SVIL: variants seen among roughly 807,000 people sequenced by gnomAD.
SVIL encodes archvillin.
In SVIL, 101 loss-of-function variants were observed where a neutral mutation model predicts 240.4. That is an observed-to-expected ratio of 0.42 (90% confidence interval 0.36 to 0.50). The LOEUF is 0.50. Ranked by LOEUF, SVIL falls within the 20% of genes least tolerant of loss-of-function variation. The pLI is 0.01. For synonymous variants in SVIL, 999 were observed against 1,100.0 expected, an observed-to-expected ratio of 0.91 and a Z score of 1.82; for missense variants, 2,512 against 2,818.7, an observed-to-expected ratio of 0.89 and a Z score of 2.46.
intron 1 of SVIL, among the ~76,000 whole-genome samples, chr10:29,701,424 T>C (rs910188351): frequency 2.0e-5 from 3 of 152,190 alleles, no homozygotes; most frequent in Non-Finnish European, 2.9e-5. Flanking sequence ...AAATTCCATG[T>C]TTTGCTTAAG....
At chr10:29,559,654 C>T (rs552688232) in intron 3 of SVIL, among the ~76,000 whole-genome samples, 1 of 152,178 alleles carries the variant, frequency 6.6e-6, no homozygotes, top group African/African-American at 2.4e-5. Flanking sequence ...ATTAGGACTT[C>T]CAAACATATC....
rs1274164400 is a variant in SVIL, at chr10:29,458,480, A to G, written c.6512T>C (p.Val2171Ala). The G allele has an allele frequency of 3.8e-6, 6 of 1,575,140 alleles. No homozygotes were observed. The Admixed American group carries it at 7.2e-5, about 19-fold the overall frequency. Residue 2171 changes from valine (V) to alanine (A), a missense_variant, in exon 37 of 38, where the codon GTC becomes GCC. Coordinates refer to ENST00000355867, the MANE Select transcript of SVIL (RefSeq NM_021738.3). ...DLLARPLPEG[V>A]DPLKLEIYLT... ...ATAGATCTCAAGCTTCAGAGGATCG[A>G]CCCCCTCCGGGAGTGGCCTGGCCAG...
intron 1 of SVIL, among the ~76,000 whole-genome samples, chr10:29,622,280 C>T (rs1589406984): frequency 8.0e-6 from 1 of 125,432 alleles, no homozygotes; most frequent in African/African-American, 2.8e-5. Flanking sequence ...AAAAAAGAAC[C>T]TTGGAAACAC....
chr10:29,532,074 C>A lies in SVIL; in HGVS notation c.1937G>T (p.Gly646Val). The A allele has an allele frequency of 6.2e-7, 1 of 1,614,126 alleles. No homozygotes were observed. The highest frequency in any genetic ancestry group is 8.5e-7 in the Non-Finnish European group (1 of 1,179,970). The change falls in exon 9 of 38, where the codon GGT becomes GTT. Residue 646 changes from glycine (G) to valine (V), a missense_variant. By Grantham distance (109) the Gly-to-Val change is moderately radical. Coordinates refer to ENST00000355867, the MANE Select transcript of SVIL (RefSeq NM_021738.3). ...TCTCTCGGAAGTTTTTCTACTTTCA[C>A]CAGGAGAAAAATAGCGTCTTGGTTT... is the stretch of plus-strand genomic sequence containing the variant. ...SRKPRRYFSP[G>V]ESRKTSERFR...
In SVIL at chr10:29,608,210, G is replaced by A. The variant is rs181052882; in HGVS notation, c.-201+26210C>T. On this transcript the variant is annotated intron_variant, in intron 1 of 37. Transcript: ENST00000355867. ...GCTGGGCAGGATTAGCTTCTCTGCTGCAAGAGGGACGTCAAGGCAGTGGAA... is the reference window on the plus strand; with the variant it reads ...GCTGGGCAGGATTAGCTTCTCTGCTACAAGAGGGACGTCAAGGCAGTGGAA... Among the ~76,000 whole-genome samples the A allele has an allele frequency of 4.8e-4, 73 of 152,318 alleles. No homozygotes were observed. In the South Asian group the frequency reaches 9.1e-3, roughly 19 times the overall value.
At chr10:29,563,419 A>G (rs1185784361) in intron 2 of SVIL, 127 bp from the exon 3 acceptor site, 3 of 222,840 alleles carry the variant, frequency 1.3e-5, no homozygotes, top group South Asian at 3.2e-4. Context: ...TTGCAGGTAA[A>G]ATGTTTTATA....
In SVIL at chr10:29,536,000, G is replaced by A. The variant is rs1449352023; in HGVS notation, c.897C>T (p.Asn299=). ...CGGCGTGCGGGTACCTGGAAGGCCAGTTGATAAGTGAAGGTGTGTCCCCTT... is the reference window on the plus strand; with the variant it reads ...CGGCGTGCGGGTACCTGGAAGGCCAATTGATAAGTGAAGGTGTGTCCCCTT... ...DSEGDTPSLI[N]WPSRVKVREK... is the part of the protein sequence containing the mutation. Residue 299 remains asparagine (N), a synonymous_variant, in exon 7 of 38, where the codon AAC becomes AAT. Transcript: ENST00000355867. The A allele has an allele frequency of 2.5e-6, 4 of 1,614,100 alleles. No individual in the cohort carries two copies. The highest frequency in any genetic ancestry group is 3.4e-6 in the Non-Finnish European group (4 of 1,180,044).
At chr10:29,561,440 T>C (rs1163436156) in intron 3 of SVIL, among the ~76,000 whole-genome samples, 1 of 152,010 alleles carries the variant, frequency 6.6e-6, no homozygotes, top group African/African-American at 2.4e-5. Context: ...GAGGGATGCT[T>C]CTGACTGGTG....
At chr10:29,659,166 C>A (rs1238749563) in intron 2 of SVIL, among the ~76,000 whole-genome samples, 4 of 152,150 alleles carry the variant, frequency 2.6e-5, no homozygotes, top group African/African-American at 4.8e-5. Flanking sequence ...ATTCTTTAGA[C>A]TCGAGGGTTG....
At chr10:29,703,688 A>G (rs75573881) in intron 1 of SVIL, among the ~76,000 whole-genome samples, 118 of 152,314 alleles carry the variant, frequency 7.7e-4, no homozygotes, top group African/African-American at 2.7e-3. Context: ...GTGCCCTGCA[A>G]TGTGGGGTGT....
At chr10:29,491,859 C>T (rs1259048021) in intron 21 of SVIL, among the ~76,000 whole-genome samples, 1 of 152,286 alleles carries the variant, frequency 6.6e-6, no homozygotes, top group South Asian at 2.1e-4. Flanking sequence ...ATGGTTAAAC[C>T]GCTATGTATG....
intron 1 of SVIL, among the ~76,000 whole-genome samples, chr10:29,570,950 G>A (rs1328326): frequency 0.54 from 82,486 of 152,012 alleles, 22,863 homozygotes; most frequent in African/African-American, 0.67. Context: ...AGTGCATTTC[G>A]TATTTATCTT....
At chr10:29,733,409 C>T (rs988902033) in intron 1 of SVIL, among the ~76,000 whole-genome samples, 4 of 152,088 alleles carry the variant, frequency 2.6e-5, no homozygotes, top group African/African-American at 9.7e-5. Flanking sequence ...ACTGCAGGCT[C>T]GAACTCTTGG....
At chr10:29,578,014 T>C (rs1342149000) in intron 1 of SVIL, among the ~76,000 whole-genome samples, 3 of 152,216 alleles carry the variant, frequency 2.0e-5, no homozygotes, top group African/African-American at 7.2e-5. Context: ...TATTTGTGTA[T>C]ACATTTATAA....
intron 30 of SVIL, among the ~76,000 whole-genome samples, chr10:29,471,874 T>A (rs1320937913): frequency 6.6e-6 from 1 of 152,258 alleles, no homozygotes; most frequent in African/African-American, 2.4e-5. Context: ...CTGTGAGTTA[T>A]CAATCTCTGT....
At chr10:29,507,768 T>C (rs1041637570) in intron 17 of SVIL, 6 of 985,408 alleles carry the variant, frequency 6.1e-6, no homozygotes, top group Non-Finnish European at 7.2e-6. Flanking sequence ...CAGGTATTTA[T>C]GGGCAGCAGG....
chr10:29,586,082 A>G (rs1270500506), intron 1 of SVIL, among the ~76,000 whole-genome samples: 1 of 152,158 alleles, frequency 6.6e-6, no homozygotes, highest in African/African-American at 2.4e-5. Context: ...AAGAAACTCA[A>G]ACGAGAAAAG....
intron 8 of SVIL, 47 bp from the exon 9 acceptor site, chr10:29,532,219 A>G: frequency 6.3e-7 from 1 of 1,591,002 alleles, no homozygotes. Flanking sequence ...AAACGAAGAC[A>G]GAGAAAGAGA....
chr10:29,506,371 G>T (rs1414120443), intron 17 of SVIL, among the ~76,000 whole-genome samples: 1 of 152,092 alleles, frequency 6.6e-6, no homozygotes, highest in Non-Finnish European at 1.5e-5. Flanking sequence ...CAGCTTCGGG[G>T]GAAGGAACCA....
Sources: allele counts gnomAD v4.1 joint callset (sites outside exome capture counted in the v4.1 genomes callset), GRCh38; gene constraint gnomAD v4.1.1; transcripts MANE v1.5; gene names NCBI Gene and HGNC (gene_info 2026-07-23, HGNC 2026-07-21).